NRG1: variants seen among roughly 807,000 people sequenced by gnomAD.
NRG1 encodes the protein neuregulin 1, also known as pro-neuregulin-1, membrane-bound isoform.
Under a neutral mutation model 63.8 loss-of-function variants are expected in NRG1, and 18 were observed. The observed-to-expected ratio is 0.28, with a 90% confidence interval of 0.19 to 0.42. The LOEUF (loss-of-function observed/expected upper bound fraction) is 0.42. Ranked by LOEUF, NRG1 falls within the 10% of genes least tolerant of loss-of-function variation. The probability of loss-of-function intolerance (pLI) is 1.00; values close to 1 mark genes in which losing one functional copy is unlikely to be tolerated. For synonymous variants in NRG1, 302 were observed against 301.3 expected (o/e 1.00, Z -0.02); for missense variants, 762 against 814.7 (o/e 0.94, Z 0.79).
rs1413870739 is a variant in NRG1 at position 32,152,522 on chromosome 8, T to C, written c.38-443306T>C. Among the ~76,000 whole-genome samples the C allele has an allele frequency of 2.6e-5, 4 of 152,214 alleles. No homozygotes were observed. The East Asian group carries it at 7.7e-4, about 29-fold the overall frequency. ...CAGGAGACGATCAATGATTATGAAATAACTTCCTATGACATACTTTTAAAT... is the reference window on the plus strand; with the variant it reads ...CAGGAGACGATCAATGATTATGAAACAACTTCCTATGACATACTTTTAAAT... On this transcript the variant is annotated intron_variant, in intron 1 of 10. Transcript: ENST00000519301.
chr8:31,910,475 G>T lies in NRG1; in HGVS notation c.37+271044G>T, dbSNP rs868839495. Among the ~76,000 whole-genome samples the T allele has an allele frequency of 4.6e-5, 7 of 152,116 alleles. No individual in the cohort carries two copies. In the South Asian group the frequency reaches 1.4e-3, roughly 31 times the overall value. ...AGAGGTCATTCTATTTTATATGAGT[G>T]GAAGAGACATGAAAAAGACCAGTTA... On this transcript the variant is annotated intron_variant, in intron 1 of 10. Transcript: ENST00000519301.
intron 1 of NRG1, among the ~76,000 whole-genome samples, chr8:32,109,589 G>C (rs1329320125): frequency 6.6e-6 from 1 of 152,040 alleles, no homozygotes; most frequent in East Asian, 1.9e-4. Context: ...TCCACAATTA[G>C]AATCACCATC....
chr8:32,094,625 G>A (rs1775436578), intron 1 of NRG1, among the ~76,000 whole-genome samples: 1 of 152,126 alleles, frequency 6.6e-6, no homozygotes, highest in African/African-American at 2.4e-5. Context: ...GATATAATGA[G>A]TTCTATAGTG....
intron 1 of NRG1, among the ~76,000 whole-genome samples, chr8:31,782,350 C>G (rs1461757828): frequency 1.3e-5 from 2 of 152,084 alleles, no homozygotes; most frequent in Admixed American, 1.3e-4. Flanking sequence ...CCTGGCCACC[C>G]CATTTAAAAG....
chr8:32,219,214 C>T (rs1029233297), intron 1 of NRG1, among the ~76,000 whole-genome samples: 6 of 152,094 alleles, frequency 3.9e-5, no homozygotes, highest in African/African-American at 9.7e-5. Context: ...TGATTCTGAC[C>T]GCCACCATCA....
intron 5 of NRG1, among the ~76,000 whole-genome samples, chr8:32,682,985 T>G (rs1809098526): frequency 6.6e-6 from 1 of 152,292 alleles, no homozygotes; most frequent in Non-Finnish European, 1.5e-5. Context: ...ATCTTTATAA[T>G]AATAAATACT....
rs150568586 is a variant in NRG1, at chr8:32,379,809, T to C, written c.38-216019T>C. 2.0e-5 allele frequency among the ~76,000 whole-genome samples: 3 copies of C among 152,318 alleles called. No homozygotes were observed. The East Asian group carries it at 5.8e-4, about 29-fold the overall frequency. On this transcript the variant is annotated intron_variant, in intron 1 of 10. Transcript: ENST00000519301. ...AAGCTCGATCAACTCCACCTATAGG[T>C]CAATACTGTCCTAAGATTTCTGGAT...
chr8:31,715,921 T>C (rs1298279147), intron 1 of NRG1, among the ~76,000 whole-genome samples: 1 of 152,238 alleles, frequency 6.6e-6, no homozygotes, highest in Non-Finnish European at 1.5e-5. Flanking sequence ...GAAAGTCATA[T>C]ATATTTAGAA....
At chr8:32,616,780 A>T in intron 4 of NRG1, 55 bp from the exon 5 acceptor site, 1 of 1,409,560 alleles carries the variant, frequency 7.1e-7, no homozygotes, top group South Asian at 1.2e-5. Context: ...TTTCTAATTT[A>T]TGAGTCCAAG....
intron 10 of NRG1, 50 bp downstream of exon 10, chr8:32,759,486 C>G (rs1830306412): frequency 2.5e-6 from 4 of 1,587,968 alleles, no homozygotes; most frequent in Non-Finnish European, 3.4e-6. Flanking sequence ...TGAATTGTTG[C>G]ACATTGCCTT....
At chr8:32,235,747 A>T (rs1025749157) in intron 1 of NRG1, among the ~76,000 whole-genome samples, 18 of 152,140 alleles carry the variant, frequency 1.2e-4, no homozygotes, top group Non-Finnish European at 2.5e-4. Context: ...AACACTTTCA[A>T]AAATATTGTA....
chr8:32,429,152 C>A (rs1032616865), intron 1 of NRG1, among the ~76,000 whole-genome samples: 1 of 151,834 alleles, frequency 6.6e-6, no homozygotes, highest in African/African-American at 2.4e-5. Flanking sequence ...GTCAACTAAA[C>A]GAACAGGCTG....
chr8:32,735,636 C>T lies in NRG1; in HGVS notation c.633-7039C>T, dbSNP rs535765287. Among the ~76,000 whole-genome samples the T allele has an allele frequency of 1.1e-3, 163 of 152,096 alleles. 1 individual carries two copies. Among genetic ancestry groups the T allele is most frequent in the Non-Finnish European group, 2.0e-3 (134 of 68,002 alleles). On this transcript the variant is annotated intron_variant, in intron 6 of 11. Coordinates refer to ENST00000356819, the Ensembl canonical transcript of NRG1. ...TCGATATGTCATTGTGTCACAATGA[C>T]GTGGAGATGTATGGGATGTAGATTG...
chr8:32,295,174 A>G (rs1374346931), intron 1 of NRG1, among the ~76,000 whole-genome samples: 3 of 152,186 alleles, frequency 2.0e-5, no homozygotes, highest in Non-Finnish European at 4.4e-5. Flanking sequence ...AGCAAAGATG[A>G]TTAAAATTTG....
chr8:32,499,781 A>G (rs549733529), intron 1 of NRG1, among the ~76,000 whole-genome samples: 44 of 152,198 alleles, frequency 2.9e-4, no homozygotes, highest in Non-Finnish European at 6.3e-4. Context: ...GTTTGAAGGA[A>G]CATGTTCTGG....
At chr8:32,668,760 G>A (rs1477861504) in intron 5 of NRG1, among the ~76,000 whole-genome samples, 1 of 152,006 alleles carries the variant, frequency 6.6e-6, no homozygotes, top group African/African-American at 2.4e-5. Flanking sequence ...TTCTCTGTAA[G>A]CATTGCTGAC....
intron 1 of NRG1, among the ~76,000 whole-genome samples, chr8:32,111,637 C>T (rs1832042512): frequency 6.6e-6 from 1 of 152,122 alleles, no homozygotes; most frequent in African/African-American, 2.4e-5. Context: ...CTCAAGACTC[C>T]CTGTCCTTTA....
chr8:32,603,601 C>T (rs1399509567), intron 2 of NRG1, among the ~76,000 whole-genome samples: 3 of 152,152 alleles, frequency 2.0e-5, no homozygotes, highest in African/African-American at 7.2e-5. Context: ...CCTTAGTCTC[C>T]TGAGCAGCTG....
At chr8:32,530,367 A>C (rs1419522399) in intron 1 of NRG1, among the ~76,000 whole-genome samples, 1 of 152,070 alleles carries the variant, frequency 6.6e-6, no homozygotes, top group African/African-American at 2.4e-5. Context: ...TCGGCCTCCC[A>C]AAGTGCTGGG....
Sources: allele counts gnomAD v4.1 joint callset (sites outside exome capture counted in the v4.1 genomes callset), GRCh38; gene constraint gnomAD v4.1.1; transcripts MANE v1.5; gene names NCBI Gene and HGNC (gene_info 2026-07-23, HGNC 2026-07-21).